Variants in AUTS2 observed in about 807,000 individuals in gnomAD.
AUTS2 encodes the protein activator of transcription and developmental regulator AUTS2.
AUTS2 carries 17 observed loss-of-function variants against 112.4 expected under a neutral mutation model. The observed-to-expected ratio is 0.15, with a 90% CI of 0.10 to 0.23. AUTS2 has a LOEUF of 0.23. Ranked by LOEUF, AUTS2 falls within the 10% of genes least tolerant of loss-of-function variation. AUTS2 has a pLI of 1.00. For synonymous variants in AUTS2, 751 were observed against 702.7 expected (o/e 1.07, Z -1.09); for missense variants, 1,510 against 1,701.6 (o/e 0.89, Z 1.98).
At chr7:69,933,697 G>T (rs1796307236) in intron 2 of AUTS2, among the ~76,000 whole-genome samples, 1 of 151,886 alleles carries the variant, frequency 6.6e-6, no homozygotes, top group Non-Finnish European at 1.5e-5. Flanking sequence ...AGGGAGGGAG[G>T]TCTCCCTGTG....
At chr7:69,843,944 C>G (rs758920016) in intron 1 of AUTS2, among the ~76,000 whole-genome samples, 7 of 152,130 alleles carry the variant, frequency 4.6e-5, no homozygotes, top group Non-Finnish European at 1.0e-4. Context: ...GGGGACAGTT[C>G]TGCTTTTCAA....
chr7:70,422,888 A>G (rs1442172198), intron 4 of AUTS2, among the ~76,000 whole-genome samples: 1 of 151,928 alleles, frequency 6.6e-6, no homozygotes, highest in African/African-American at 2.4e-5. Flanking sequence ...TGATCTCTTC[A>G]CTCAGACACT....
At chr7:69,886,933 C>T (rs1326164257) in intron 1 of AUTS2, among the ~76,000 whole-genome samples, 1 of 152,104 alleles carries the variant, frequency 6.6e-6, no homozygotes, top group East Asian at 1.9e-4. Flanking sequence ...CGCCACCACA[C>T]CCAGCTAATT....
At chr7:70,395,705 G>A (rs1794049497) in intron 4 of AUTS2, among the ~76,000 whole-genome samples, 1 of 152,138 alleles carries the variant, frequency 6.6e-6, no homozygotes, top group Non-Finnish European at 1.5e-5. Flanking sequence ...AATTATCAGT[G>A]CTTAGTGACT....
chr7:70,689,723 C>G (rs796626383), intron 5 of AUTS2, among the ~76,000 whole-genome samples: 12 of 146,648 alleles, frequency 8.2e-5, no homozygotes, highest in African/African-American at 3.1e-4. Context: ...TTGCAGTGAG[C>G]CAAGATCACA....
intron 5 of AUTS2, among the ~76,000 whole-genome samples, chr7:70,505,060 C>G (rs1311956636): frequency 6.6e-6 from 1 of 152,188 alleles, no homozygotes; most frequent in South Asian, 2.1e-4. Flanking sequence ...GAGACTCTAA[C>G]TCAGTGAATC....
At chr7:70,709,829 A>G (rs1238805302) in intron 6 of AUTS2, among the ~76,000 whole-genome samples, 1 of 152,216 alleles carries the variant, frequency 6.6e-6, no homozygotes, top group African/African-American at 2.4e-5. Context: ...CAAAAGCAGT[A>G]GTGCCTCGTA....
chr7:69,822,738 CTG>C (rs1791053881), intron 1 of AUTS2, among the ~76,000 whole-genome samples: 1 of 152,156 alleles, frequency 6.6e-6, no homozygotes, highest in Non-Finnish European at 1.5e-5. Context: ...AAAACAAAGT[CTG>C]TGCTGTTTTC....
At chr7:69,700,084 A>T (rs1797741989) in intron 1 of AUTS2, among the ~76,000 whole-genome samples, 1 of 152,158 alleles carries the variant, frequency 6.6e-6, no homozygotes, top group Admixed American at 6.5e-5. Context: ...TTATATTCCC[A>T]TCTGTTTAAG....
rs35865901 is a variant in AUTS2, at chr7:70,528,807, TAA to T, written c.690+93037_690+93038del. ...TGGGCATCATAGCAAGATCTCATCT[TAA>T]AAAAAAAAAAGGAGTATGCCCTCCA... On this transcript the variant is annotated intron_variant, in intron 5 of 18. Transcript: ENST00000342771. 4.9e-5 allele frequency among the ~76,000 whole-genome samples: 7 copies of T among 143,114 alleles called. 1 individual carries two copies. In the South Asian group the frequency reaches 6.8e-4, roughly 14 times the overall value. The allele number at this position is 143,114 out of a possible 152,430, so 93.9% of individuals were successfully genotyped here.
intron 1 of AUTS2, among the ~76,000 whole-genome samples, chr7:69,636,063 G>C (rs994665258): frequency 6.6e-6 from 1 of 152,150 alleles, no homozygotes; most frequent in Admixed American, 6.5e-5. Context: ...CTCTCCCTTG[G>C]TATGGACAGC....
At chr7:69,840,700 A>G (rs1446805062) in intron 1 of AUTS2, among the ~76,000 whole-genome samples, 1 of 152,238 alleles carries the variant, frequency 6.6e-6, no homozygotes, top group South Asian at 2.1e-4. Context: ...ACAGACAGAC[A>G]CTCTGGGCAT....
intron 5 of AUTS2, among the ~76,000 whole-genome samples, chr7:70,611,023 T>C (rs1171517437): frequency 1.3e-5 from 2 of 152,250 alleles, no homozygotes; most frequent in African/African-American, 4.8e-5. Context: ...GCCTTTAGGA[T>C]CATATACGAA....
intron 5 of AUTS2, among the ~76,000 whole-genome samples, chr7:70,463,065 C>T (rs1797032841): frequency 6.6e-6 from 1 of 152,150 alleles, no homozygotes; most frequent in Admixed American, 6.5e-5. Context: ...GGTTCAGATA[C>T]TTTCACTAGA....
intron 1 of AUTS2, among the ~76,000 whole-genome samples, chr7:69,879,310 T>A (rs1793937480): frequency 7.4e-6 from 1 of 135,082 alleles, no homozygotes; most frequent in Non-Finnish European, 1.6e-5. Context: ...TGCCCGGCTA[T>A]TTTTTTTTTC....
intron 2 of AUTS2, among the ~76,000 whole-genome samples, chr7:70,113,395 A>G (rs1209209469): frequency 2.0e-5 from 3 of 152,114 alleles, no homozygotes; most frequent in Admixed American, 1.3e-4. Context: ...ATACTTTCCC[A>G]ATTTGGGGAC....
At chr7:70,619,706 G>A (rs527381290) in intron 5 of AUTS2, among the ~76,000 whole-genome samples, 1 of 152,252 alleles carries the variant, frequency 6.6e-6, no homozygotes, top group South Asian at 2.1e-4. Flanking sequence ...TAGCAAGTAG[G>A]TAAGGGAGAA....
At chr7:70,632,846 C>G (rs1345670836) in intron 5 of AUTS2, among the ~76,000 whole-genome samples, 1 of 152,022 alleles carries the variant, frequency 6.6e-6, no homozygotes, top group Admixed American at 6.5e-5. Context: ...GGACACAGAC[C>G]CCCACTGGTG....
chr7:69,855,016 G>T (rs1370519194), intron 1 of AUTS2, among the ~76,000 whole-genome samples: 1 of 152,182 alleles, frequency 6.6e-6, no homozygotes, highest in African/African-American at 2.4e-5. Context: ...TGCAAATAGA[G>T]ACTTTATTGA....
Sources: gnomAD v4.1 joint callset for allele counts (sites outside exome capture counted in the v4.1 genomes callset) on GRCh38, gnomAD v4.1.1 for gene constraint, MANE v1.5 for transcripts, NCBI Gene and HGNC (gene_info 2026-07-23, HGNC 2026-07-21) for gene names.